The following U2AF2 variants were observed in gnomAD, a reference collection of about 807,000 sequenced individuals.
U2AF2 encodes the protein U2 small nuclear RNA auxiliary factor 2.
U2AF2 carries 6 observed loss-of-function variants against 52.6 expected under a neutral mutation model. That is an observed-to-expected ratio of 0.11 (90% CI 0.06 to 0.23). The LOEUF is 0.23. U2AF2 is among the 10% of genes least tolerant of loss of function. U2AF2 has a pLI of 1.00. For missense variants in U2AF2, 222 were observed against 677.1 expected (o/e 0.33, Z 7.46); for synonymous variants, 284 against 258.2 (o/e 1.10, Z -0.96).
Position 55,668,810 on chromosome 19 carries a change from G to A in U2AF2, c.945+18G>A, listed in dbSNP as rs776477495. 3.7e-6 allele frequency: 6 copies of A among 1,603,438 alleles called. No individual in the cohort carries two copies. The African/African-American group carries it at 6.7e-5, about 18-fold the overall frequency. Reference sequence around the variant, plus strand: ...CGGATCAGGTGAGTCCCCGGTCGCTGGCCGCTGCCGCGTCTGTCCTTCCCT... The same window carrying A: ...CGGATCAGGTGAGTCCCCGGTCGCTAGCCGCTGCCGCGTCTGTCCTTCCCT... On this transcript the variant is annotated intron_variant, in intron 9 of 11. Transcript: ENST00000308924. The surrounding 1 kb of genome is among the most constrained non-coding windows in gnomAD (Gnocchi z 5.5).
intron 1 of U2AF2, 129 bp from the exon 2 acceptor site, chr19:55,659,081 C>T (rs982677444): frequency 3.1e-5 from 41 of 1,325,340 alleles, no homozygotes; most frequent in East Asian, 9.0e-5. Context: ...AATTCCCTTC[C>T]TCCATTGAAT....
chr19:55,664,024 T>C (rs571592389), intron 7 of U2AF2: 807 of 380,826 alleles, frequency 2.1e-3, no homozygotes, highest in Non-Finnish European at 3.2e-3. Context: ...AGCGAGGGGC[T>C]TGTGGCCTGG....
In U2AF2 at chr19:55,655,089, A is replaced by G; in HGVS notation, c.-16A>G. 1.2e-6 allele frequency: 2 copies of G among 1,606,140 alleles called. No individual in the cohort carries two copies. Among genetic ancestry groups the G allele is most frequent in the South Asian group, 1.1e-5 (1 of 90,724 alleles). On this transcript the variant is annotated 5_prime_UTR_variant, in exon 1 of 12. Transcript: ENST00000308924. ...CGAGGCGAAAGCTGCACAGGGCCCT[A>G]CGCGGCCGCCTCAGCATGTCGGACT... is the stretch of plus-strand genomic sequence containing the variant.
chr19:55,669,719 T>C (rs956272392), intron 11 of U2AF2, 27 bp downstream of exon 11: 24 of 1,568,700 alleles, frequency 1.5e-5, no homozygotes, highest in Non-Finnish European at 2.0e-5. Context: ...CTCAGTGCTC[T>C]CTCACCCTCT....
intron 4 of U2AF2, 90 bp from the exon 5 acceptor site, chr19:55,660,948 G>C (rs1362832056): frequency 2.0e-6 from 3 of 1,492,012 alleles, no homozygotes; most frequent in Non-Finnish European, 2.7e-6. Context: ...GGAGCTTTCT[G>C]CTGAGGAGGG....
chr19:55,658,331 T>C (rs986305663), intron 1 of U2AF2, among the ~76,000 whole-genome samples: 5 of 136,840 alleles, frequency 3.7e-5, no homozygotes, highest in African/African-American at 1.3e-4. Flanking sequence ...TCCTCCATCT[T>C]GAAGGGCCGG....
intron 7 of U2AF2, among the ~76,000 whole-genome samples, chr19:55,666,999 G>A (rs914741030): frequency 2.6e-5 from 4 of 152,178 alleles, no homozygotes; most frequent in Non-Finnish European, 5.9e-5. Flanking sequence ...AGTCTTACAG[G>A]ATGCCTGGCC....
intron 5 of U2AF2, among the ~76,000 whole-genome samples, chr19:55,661,534 A>G (rs981829048): frequency 6.9e-5 from 10 of 145,028 alleles, no homozygotes; most frequent in African/African-American, 1.6e-4. Context: ...ACACACACAC[A>G]CACACACAGA....
At chr19:55,669,261 C>T (rs1357564666) in intron 10 of U2AF2, 80 bp downstream of exon 10, 39 of 1,569,712 alleles carry the variant, frequency 2.5e-5, no homozygotes, top group Admixed American at 3.6e-5. Flanking sequence ...CCTGATCTTT[C>T]TCCCAGCTTT....
rs188718246 is a variant in U2AF2, at chr19:55,660,337, C to T, written c.230+116C>T. On this transcript the variant is annotated intron_variant, in intron 3 of 11. Coordinates refer to ENST00000308924, the MANE Select transcript of U2AF2 (RefSeq NM_007279.3). ...TGGCCCAAGCACTGGGAAGAGTCCA[C>T]TTACCTTGAAACCAGCACCCCTTTC... The T allele has an allele frequency of 1.7e-4, 222 of 1,290,112 alleles. No homozygotes were observed. The East Asian group carries it at 5.1e-3, about 30-fold the overall frequency. 79.9% of individuals were successfully genotyped at this position (1,290,112 alleles called of 1,614,324 possible).
In U2AF2 at chr19:55,659,305, C is replaced by T. The variant is rs1400639278; in HGVS notation, c.145C>T (p.Arg49Trp). The part of the protein sequence containing the change: ...RRSRSRDRRN[R>W]DQRSASRDRR... ...GAGCCGGAGCCGCGACCGGCGCAAC[C>T]GGGACCAGCGGAGCGCCTCCCGGGA... Residue 49 changes from arginine to tryptophan, a missense_variant, in exon 2 of 12, where the codon CGG becomes TGG. Arg to Trp is a moderately radical substitution (Grantham distance 101, BLOSUM62 -3). This residue lies in a region of U2AF2 where 100 missense variants were observed against 144.1 expected (regional missense o/e 0.69). Coordinates refer to ENST00000308924, the MANE Select transcript of U2AF2 (RefSeq NM_007279.3). 5 of 1,584,678 alleles carry T rather than the reference C, an allele frequency of 3.2e-6. No individual in the cohort carries two copies. Among genetic ancestry groups the T allele is most frequent in the Admixed American group, 1.8e-5 (1 of 56,712 alleles).
Position 55,663,824 on chromosome 19 carries a change from A to C in U2AF2, c.742+80A>C. ...CTGTCCATCCCTTCAGCCCAGCTGG[A>C]GTGGCTTAGGAAGTTGTGTAAGTAC... On this transcript the variant is annotated intron_variant, in intron 7 of 11. Coordinates refer to ENST00000308924, the MANE Select transcript of U2AF2 (RefSeq NM_007279.3). 3.2e-6 allele frequency: 5 copies of C among 1,582,032 alleles called. No homozygotes were observed. The South Asian group carries it at 5.8e-5, about 18-fold the overall frequency.
rs750275510 is a variant in U2AF2, at chr19:55,660,270, C to T, written c.230+49C>T. 3 of 1,593,504 alleles carry T rather than the reference C, an allele frequency of 1.9e-6. No homozygotes were observed. In the East Asian group the frequency reaches 6.7e-5, roughly 36 times the overall value. ...CCTCCCTGATGTCCACTCCCTTCAC[C>T]TTCCTCACGCCCGTGCACCCTGTCC... On this transcript the variant is annotated intron_variant, in intron 3 of 11. Coordinates refer to ENST00000308924, the MANE Select transcript of U2AF2 (RefSeq NM_007279.3).
chr19:55,674,373 G>C lies in U2AF2; in HGVS notation c.*305G>C. ...CACAGCAGGGCGGGGTAGGACCCCA[G>C]CCCCTCCCAAAACAGCCTCTCCTTC... On this transcript the variant is annotated 3_prime_UTR_variant, in exon 12 of 12. Coordinates refer to ENST00000308924, the MANE Select transcript of U2AF2 (RefSeq NM_007279.3). 3.1e-6 allele frequency: 1 copy of C among 321,012 alleles called. No individual in the cohort carries two copies. Among genetic ancestry groups the C allele is most frequent in the East Asian group, 6.7e-5 (1 of 14,926 alleles). The allele number at this position is 321,012 out of a possible 1,614,324, so 19.9% of individuals were successfully genotyped here. A position where few individuals can be genotyped will look rare whatever the true frequency, so the allele number is the denominator to read the frequency against.
chr19:55,673,369 T>G (rs1985052181), intron 11 of U2AF2, among the ~76,000 whole-genome samples: 1 of 151,848 alleles, frequency 6.6e-6, no homozygotes, highest in South Asian at 2.1e-4. Flanking sequence ...AATAAGTTCA[T>G]CTGCTATATA....
At chr19:55,658,244 A>G (rs1316076611) in intron 1 of U2AF2, among the ~76,000 whole-genome samples, 2 of 152,098 alleles carry the variant, frequency 1.3e-5, no homozygotes, top group Admixed American at 1.3e-4. Flanking sequence ...CTAGCTGAGA[A>G]ATCTGGGTGT....
intron 7 of U2AF2, among the ~76,000 whole-genome samples, chr19:55,667,935 G>A (rs947257351): frequency 2.6e-5 from 4 of 152,120 alleles, no homozygotes; most frequent in African/African-American, 7.2e-5. Context: ...ACAGGTGCAC[G>A]CTACCACAGC....
At chr19:55,673,409 T>G (rs567928738) in intron 11 of U2AF2, among the ~76,000 whole-genome samples, 1 of 152,264 alleles carries the variant, frequency 6.6e-6, no homozygotes, top group East Asian at 1.9e-4. Flanking sequence ...AGGCTCATTG[T>G]ATCCTTCCCT....
At chr19:55,663,886 G>A in intron 7 of U2AF2, 142 bp downstream of exon 7, 1 of 1,238,442 alleles carries the variant, frequency 8.1e-7, no homozygotes, top group Non-Finnish European at 1.1e-6. Context: ...CTTCCCCTAA[G>A]TCTCTGTGAG....
Sources: allele counts gnomAD v4.1 joint callset (sites outside exome capture counted in the v4.1 genomes callset), GRCh38; gene constraint gnomAD v4.1.1; regional missense constraint gnomAD v4.1.1; non-coding constraint Gnocchi (gnomAD v3.1); transcripts MANE v1.5; gene names NCBI Gene and HGNC (gene_info 2026-07-23, HGNC 2026-07-21).